The following TGM2 variants were observed in gnomAD, a reference collection of about 807,000 sequenced individuals.
The protein encoded by TGM2 is transglutaminase 2.
Under a neutral mutation model 75.6 loss-of-function variants are expected in TGM2, and 53 were observed. The observed-to-expected ratio is 0.70, with a 90% CI of 0.56 to 0.88. TGM2 has a LOEUF of 0.88. TGM2 is among the 40% of genes least tolerant of loss of function. The pLI, the probability that TGM2 is intolerant of heterozygous loss-of-function variation, is 0.00. For synonymous variants in TGM2, 374 were observed against 381.1 expected (o/e 0.98, Z 0.22); for missense variants, 842 against 928.5 (o/e 0.91, Z 1.21).
intron 7 of TGM2, 104 bp downstream of exon 7, chr20:38,141,960 T>C (rs2074980002): frequency 6.9e-7 from 1 of 1,440,466 alleles, no homozygotes. Flanking sequence ...GCTGAACTTT[T>C]AAGGCCCAAT....
At position 38,130,114 on chromosome 20, in the gene TGM2, T is replaced by C; in HGVS notation, c.*105A>G. 6.6e-7 allele frequency: 1 copy of C among 1,511,598 alleles called. No individual in the cohort carries two copies. Among genetic ancestry groups the C allele is most frequent in the Non-Finnish European group, 9.0e-7 (1 of 1,113,180 alleles). The allele number at this position is 1,511,598 out of a possible 1,614,324, so 93.6% of individuals were successfully genotyped here. On this transcript the variant is annotated 3_prime_UTR_variant, in exon 13 of 13. Coordinates refer to ENST00000361475, the MANE Select transcript of TGM2 (RefSeq NM_004613.4). ...GAGAGCCCCCATAGGCTGCCCACCC[T>C]GCCCTGGGGTCTGGGGCCCAAGAAG...
At chr20:38,154,679 C>T (rs1027346824) in intron 3 of TGM2, among the ~76,000 whole-genome samples, 4 of 152,144 alleles carry the variant, frequency 2.6e-5, no homozygotes, top group South Asian at 4.1e-4. Flanking sequence ...TTGAGAGGCC[C>T]GACTGAGATA....
At chr20:38,160,382 T>A (rs188445791) in intron 2 of TGM2, among the ~76,000 whole-genome samples, 371 of 152,350 alleles carry the variant, frequency 2.4e-3, no homozygotes, top group Non-Finnish European at 4.1e-3. Flanking sequence ...ATCACGCATC[T>A]GGGGATGAGA....
intron 2 of TGM2, among the ~76,000 whole-genome samples, chr20:38,160,880 G>A (rs2075244317): frequency 6.6e-6 from 1 of 152,160 alleles, no homozygotes; most frequent in African/African-American, 2.4e-5. Flanking sequence ...TGTCCAGGCT[G>A]GATTCAAAGT....
rs2075182420 is a variant in TGM2, at chr20:38,156,048, G to GA, written c.231dup (p.Pro78SerfsTer10). ...CCCTCCTCCACAGCATCTCTTAGTG[G>GA]AAAACGGGCCTTGGTCCCGGCCTCC... is the stretch of plus-strand genomic sequence containing the variant. On this transcript the variant is annotated frameshift_variant, in exon 3 of 13. Coordinates refer to ENST00000361475, the MANE Select transcript of TGM2 (RefSeq NM_004613.4). LOFTEE classifies it high-confidence loss of function. 6.2e-7 allele frequency: 1 copy of GA among 1,613,746 alleles called. No individual in the cohort carries two copies. Among genetic ancestry groups the GA allele is most frequent in the Admixed American group, 1.7e-5 (1 of 60,006 alleles).
At chr20:38,163,315 G>C (rs1237977027) in intron 1 of TGM2, among the ~76,000 whole-genome samples, 1 of 152,214 alleles carries the variant, frequency 6.6e-6, no homozygotes, top group Non-Finnish European at 1.5e-5. Context: ...GCAGGAATTT[G>C]TTCAAAGTCA....
rs778625653 is a variant in TGM2, at chr20:38,142,085, C to T, written c.974G>A (p.Gly325Asp). 1.2e-6 allele frequency: 2 copies of T among 1,614,056 alleles called. No homozygotes were observed. Among genetic ancestry groups the T allele is most frequent in the Non-Finnish European group, 8.5e-7 (1 of 1,180,050 alleles). The change falls in exon 7 of 13, where the codon GGT becomes GAT. Residue 325 changes from glycine (G) to aspartate (D), a missense_variant. Coordinates refer to ENST00000361475, the MANE Select transcript of TGM2 (RefSeq NM_004613.4). ...YFRNEFGEIQ[G>D]DKSEMIWNFH... is the part of the protein sequence containing the mutation. The stretch of plus-strand genomic sequence containing the variant: ...TCACCAGATCATCTCGCTCTTGTCA[C>T]CCTGGATCTCCCCAAACTCATTGCG...
Position 38,161,403 on chromosome 20 carries a change from G to A in TGM2, c.190+17C>T, listed in dbSNP as rs772099835. On this transcript the variant is annotated intron_variant, in intron 2 of 12. Transcript: ENST00000361475. ...TGGTGGTGGTGGTGGTGGTGGAGTG[G>A]GGTTGCAGGTACTCACCGGTCACGA... is the stretch of plus-strand genomic sequence containing the variant. 2 of 1,613,322 alleles carry A rather than the reference G, an allele frequency of 1.2e-6. No homozygotes were observed. Among genetic ancestry groups the A allele is most frequent in the Non-Finnish European group, 8.5e-7 (1 of 1,179,620 alleles).
chr20:38,162,040 C>T (rs954450092), intron 1 of TGM2, among the ~76,000 whole-genome samples: 1 of 152,164 alleles, frequency 6.6e-6, no homozygotes, highest in African/African-American at 2.4e-5. Flanking sequence ...AGGCTGCTCT[C>T]GAACTCCTGG....
Position 38,139,329 on chromosome 20 carries a change from G to A in TGM2, c.1342+83C>T, listed in dbSNP as rs552330574. The A allele has an allele frequency of 3.0e-4, 486 of 1,598,160 alleles. 1 individual carries two copies. The African/African-American group carries it at 6.2e-3, about 20-fold the overall frequency. On this transcript the variant is annotated intron_variant, in intron 9 of 12. Transcript: ENST00000361475. ...ACGTAGGCTACCAATTAAAACACAC[G>A]CACACACATACACGAGCCTGCCGGG...
At chr20:38,153,751 A>G (rs2075147249) in intron 3 of TGM2, among the ~76,000 whole-genome samples, 1 of 152,048 alleles carries the variant, frequency 6.6e-6, no homozygotes, top group African/African-American at 2.4e-5. Flanking sequence ...ATATCTAACA[A>G]TGGTGTCCCC....
chr20:38,168,152 C>A (rs535760867), upstream of TGM2, among the ~76,000 whole-genome samples: 4 of 152,350 alleles, frequency 2.6e-5, no homozygotes, highest in East Asian at 5.8e-4. Flanking sequence ...CCACATTCCA[C>A]AGAACTATGG....
At chr20:38,131,356 C>G in intron 11 of TGM2, 127 bp from the exon 12 acceptor site, 1 of 1,263,972 alleles carries the variant, frequency 7.9e-7, no homozygotes, top group Non-Finnish European at 1.1e-6. Context: ...ATCACCCCCC[C>G]TCCCCCCACC....
intron 2 of TGM2, among the ~76,000 whole-genome samples, chr20:38,157,886 G>A (rs567467799): frequency 1.1e-3 from 161 of 152,332 alleles, no homozygotes; most frequent in African/African-American, 3.6e-3. Flanking sequence ...TTAAAAGTCT[G>A]AATTCTCAGG....
In TGM2 at chr20:38,130,201, G is replaced by T. The variant is rs1288018224; in HGVS notation, c.*18C>A. ...GGATCAAGGTGGGGGCTCTCAGCAGGCTGGGAGCAGGGGTCCCTTAGGCGG... is the reference window on the plus strand; with the variant it reads ...GGATCAAGGTGGGGGCTCTCAGCAGTCTGGGAGCAGGGGTCCCTTAGGCGG... On this transcript the variant is annotated 3_prime_UTR_variant, in exon 13 of 13. Coordinates refer to ENST00000361475, the MANE Select transcript of TGM2 (RefSeq NM_004613.4). 3 of 1,612,942 alleles carry T rather than the reference G, an allele frequency of 1.9e-6. No individual in the cohort carries two copies. The highest frequency in any genetic ancestry group is 4.5e-5 in the East Asian group (2 of 44,886).
chr20:38,136,711 C>T (rs1600483932), intron 10 of TGM2, among the ~76,000 whole-genome samples: 1 of 152,326 alleles, frequency 6.6e-6, no homozygotes, highest in East Asian at 1.9e-4. Flanking sequence ...CCTCTGCCCT[C>T]CTCACACCTG....
chr20:38,131,361 C>A (rs1247342579), intron 11 of TGM2, 132 bp from the exon 12 acceptor site: 3 of 1,276,862 alleles, frequency 2.3e-6, no homozygotes, highest in African/African-American at 3.0e-5. Flanking sequence ...CCCCCCTCCC[C>A]CCACCTCTGT....
chr20:38,161,726 G>T, intron 1 of TGM2, 127 bp from the exon 2 acceptor site: 1 of 1,138,362 alleles, frequency 8.8e-7, no homozygotes, highest in South Asian at 1.3e-5. Context: ...CCATTGTTTC[G>T]ACTGACCTGT....
At chr20:38,138,067 T>C in intron 10 of TGM2, 46 bp downstream of exon 10, 1 of 1,543,554 alleles carries the variant, frequency 6.5e-7, no homozygotes. Flanking sequence ...ACCTAGCATG[T>C]TGTCAGTTGG....
Sources: allele counts gnomAD v4.1 joint callset (sites outside exome capture counted in the v4.1 genomes callset), GRCh38; gene constraint gnomAD v4.1.1; transcripts MANE v1.5; gene names NCBI Gene and HGNC (gene_info 2026-07-23, HGNC 2026-07-21).